FILIP1: variants seen among roughly 807,000 people sequenced by gnomAD.
The protein encoded by FILIP1 is filamin A interacting protein 1, also known as filamin-A-interacting protein 1.
A neutral mutation model predicts 102.1 loss-of-function variants in FILIP1; 61 were observed. The observed-to-expected ratio is 0.60, with a 90% CI of 0.49 to 0.74. The LOEUF (loss-of-function observed/expected upper bound fraction) is 0.74. Among genes scored for constraint, FILIP1 ranks in the 30% least tolerant of loss-of-function variants. The pLI is 0.00. For synonymous variants in FILIP1, 491 were observed against 526.9 expected (o/e 0.93, Z 0.93); for missense variants, 1,314 against 1,441.2 (o/e 0.91, Z 1.43).
downstream of FILIP1, chr6:75,308,016 G>T (rs1050574317): frequency 1.3e-5 from 13 of 983,440 alleles, no homozygotes; most frequent in Non-Finnish European, 1.6e-5. Context: ...GAAATTCTGG[G>T]AATCTTATGG....
intron 1 of FILIP1, among the ~76,000 whole-genome samples, chr6:75,440,426 G>T (rs1049848396): frequency 1.3e-5 from 2 of 152,164 alleles, no homozygotes; most frequent in African/African-American, 2.4e-5. Context: ...CAGGTGAAGA[G>T]AATTTTCACT....
chr6:75,307,979 A>G, downstream of FILIP1: 2 of 919,430 alleles, frequency 2.2e-6, no homozygotes, highest in Non-Finnish European at 2.6e-6. Context: ...CGAGTCTGAC[A>G]TTAATGATTT....
intron 6 of FILIP1, among the ~76,000 whole-genome samples, chr6:75,301,803 T>C (rs969628274): frequency 5.9e-5 from 9 of 152,206 alleles, no homozygotes; most frequent in African/African-American, 2.2e-4. Flanking sequence ...GAAAAGAGTA[T>C]GGCTCCAGTC....
chr6:75,343,615 A>G (rs1774484464), intron 4 of FILIP1, among the ~76,000 whole-genome samples: 1 of 152,186 alleles, frequency 6.6e-6, no homozygotes, highest in Admixed American at 6.5e-5. Flanking sequence ...TTCTAATGCT[A>G]TACCTGGATC....
chr6:75,392,653 T>C (rs1776314519), intron 2 of FILIP1, among the ~76,000 whole-genome samples: 1 of 152,086 alleles, frequency 6.6e-6, no homozygotes, highest in South Asian at 2.1e-4. Flanking sequence ...CCACCAGCAC[T>C]GTTATTGCCT....
At chr6:75,445,109 C>G (rs142891034) in intron 1 of FILIP1, among the ~76,000 whole-genome samples, 110 of 152,232 alleles carry the variant, frequency 7.2e-4, no homozygotes, top group Middle Eastern at 6.8e-3. Flanking sequence ...CCCTCTCCTC[C>G]CATCTCTGCA....
intron 1 of FILIP1, among the ~76,000 whole-genome samples, chr6:75,450,845 C>T (rs574540704): frequency 4.6e-5 from 7 of 152,010 alleles, no homozygotes; most frequent in South Asian, 2.1e-4. Flanking sequence ...ATCCCAGCTA[C>T]TCAGGTTGCT....
intron 1 of FILIP1, among the ~76,000 whole-genome samples, chr6:75,434,630 C>A (rs1777950140): frequency 6.6e-6 from 1 of 152,206 alleles, no homozygotes; most frequent in African/African-American, 2.4e-5. Context: ...ATGTCATGTG[C>A]AAACAGGGAC....
At chr6:75,303,146 C>G (rs1468492741), downstream of FILIP1, among the ~76,000 whole-genome samples, 2 of 151,990 alleles carry the variant, frequency 1.3e-5, no homozygotes, top group Admixed American at 1.3e-4. Context: ...GCTTGGGAGA[C>G]TGAATGGGTT....
At chr6:75,423,762 T>C (rs1777547628) in intron 1 of FILIP1, among the ~76,000 whole-genome samples, 2 of 152,140 alleles carry the variant, frequency 1.3e-5, no homozygotes, top group Admixed American at 6.6e-5. Flanking sequence ...AACCTACTAC[T>C]ACTCCTTCAA....
At chr6:75,487,842 C>CA (rs1198319168) in intron 1 of FILIP1, among the ~76,000 whole-genome samples, 1 of 151,750 alleles carries the variant, frequency 6.6e-6, no homozygotes, top group Non-Finnish European at 1.5e-5. Flanking sequence ...TTTACAAGAT[C>CA]AAAAAAGGCT....
chr6:75,407,953 T>C (rs1582459868), intron 2 of FILIP1, among the ~76,000 whole-genome samples: 1 of 152,224 alleles, frequency 6.6e-6, no homozygotes, highest in African/African-American at 2.4e-5. Context: ...TTGATATGAG[T>C]ACCATTTCTT....
chr6:75,367,974 T>C (rs181532497), intron 2 of FILIP1, among the ~76,000 whole-genome samples: 28 of 152,330 alleles, frequency 1.8e-4, no homozygotes, highest in African/African-American at 6.5e-4. Flanking sequence ...AATAGACCAC[T>C]ATATTTAAAT....
intron 1 of FILIP1, among the ~76,000 whole-genome samples, chr6:75,434,204 A>G (rs1157050493): frequency 6.6e-6 from 1 of 152,176 alleles, no homozygotes; most frequent in Non-Finnish European, 1.5e-5. Flanking sequence ...ACTTTAAAGT[A>G]GTTTTTTCCA....
intron 2 of FILIP1, among the ~76,000 whole-genome samples, chr6:75,401,227 C>A (rs1172522894): frequency 6.6e-6 from 1 of 152,194 alleles, no homozygotes; most frequent in Non-Finnish European, 1.5e-5. Context: ...AGTTTTCATT[C>A]TCCAGCTTTG....
chr6:75,326,403 G>C (rs942797471), intron 4 of FILIP1, among the ~76,000 whole-genome samples: 1 of 152,072 alleles, frequency 6.6e-6, no homozygotes. Context: ...AGCGTACACT[G>C]CTCGGATGAT....
chr6:75,331,372 T>A (rs1218931639), intron 4 of FILIP1, among the ~76,000 whole-genome samples: 2 of 152,160 alleles, frequency 1.3e-5, no homozygotes, highest in Admixed American at 1.3e-4. Flanking sequence ...CACACTCTAG[T>A]ATGAAGCTCC....
At chr6:75,432,604 C>A (rs1274983267) in intron 1 of FILIP1, among the ~76,000 whole-genome samples, 1 of 152,088 alleles carries the variant, frequency 6.6e-6, no homozygotes, top group African/African-American at 2.4e-5. Flanking sequence ...TGTTACTATG[C>A]AAGGCCATAT....
intron 2 of FILIP1, among the ~76,000 whole-genome samples, chr6:75,405,361 GA>G (rs1776804378): frequency 1.3e-5 from 2 of 151,068 alleles, no homozygotes; most frequent in African/African-American, 4.9e-5. Flanking sequence ...AAAGAAGGGG[GA>G]AAATTAGCTT....
Sources: gnomAD v4.1 joint callset for allele counts (sites outside exome capture counted in the v4.1 genomes callset) on GRCh38, gnomAD v4.1.1 for gene constraint, MANE v1.5 for transcripts, NCBI Gene and HGNC (gene_info 2026-07-23, HGNC 2026-07-21) for gene names.